The following DST variants were observed in gnomAD, a reference collection of about 807,000 sequenced individuals.
The protein encoded by DST is bullous pemphigoid antigen.
DST carries 253 observed loss-of-function variants against 875.2 expected under a neutral mutation model. The ratio of observed to expected loss-of-function variants is 0.29; its 90% CI spans 0.26 to 0.32. The LOEUF (loss-of-function observed/expected upper bound fraction) is 0.32, where lower values mean the gene tolerates loss of function less well. Among genes scored for constraint, DST ranks in the 10% least tolerant of loss-of-function variants. DST has a pLI of 1.00. For missense variants in DST, 8,287 were observed against 9,111.6 expected (o/e 0.91, Z 3.68); for synonymous variants, 3,124 against 3,197.1 (o/e 0.98, Z 0.77).
Position 56,532,525 on chromosome 6 carries a change from T to A in DST, c.16942-15A>T, listed in dbSNP as rs1359073459. On this transcript the variant is annotated splice_polypyrimidine_tract_variant and intron_variant, in intron 63 of 103. Transcript: ENST00000680361. ...CTCTGGAGAAGCTTGAGACAAAACA[T>A]TAAATATAAAAAAGCAAGGGAATAA... is the stretch of plus-strand genomic sequence containing the variant. The A allele has an allele frequency of 1.3e-6, 2 of 1,554,418 alleles. No homozygotes were observed. The highest frequency in any genetic ancestry group is 2.1e-5 in the Admixed American group (1 of 48,002).
chr6:56,577,378 C>T (rs1463912700), intron 50 of DST, among the ~76,000 whole-genome samples: 1 of 152,104 alleles, frequency 6.6e-6, no homozygotes, highest in African/African-American at 2.4e-5. Context: ...GACAGAGGAA[C>T]AAAATGTTAG....
chr6:56,562,358 A>G (rs1018060980), intron 55 of DST, among the ~76,000 whole-genome samples, 158 bp from the exon 56 acceptor site: 1 of 152,032 alleles, frequency 6.6e-6, no homozygotes, highest in Non-Finnish European at 1.5e-5. Flanking sequence ...ATATCAAACA[A>G]TATCCTCTCT....
chr6:56,516,245 T>C (rs1253141253), intron 71 of DST, among the ~76,000 whole-genome samples: 1 of 152,046 alleles, frequency 6.6e-6, no homozygotes, highest in Non-Finnish European at 1.5e-5. Flanking sequence ...CATTGTGCTA[T>C]ACACGGATTT....
Position 56,687,259 on chromosome 6 carries a change from C to T in DST, c.1047+12394G>A, listed in dbSNP as rs1424037976. 1.1e-4 allele frequency among the ~76,000 whole-genome samples: 17 copies of T among 152,112 alleles called. 1 individual carries two copies. The highest frequency in any genetic ancestry group is 9.8e-4 in the Admixed American group (15 of 15,262). On this transcript the variant is annotated intron_variant, in intron 9 of 103. Transcript: ENST00000680361. ...ATAAAAATAAGGATTATATTCTATT[C>T]GAGACAGTGTAGGTATTAGTAAGAA...
At chr6:56,839,364 A>G (rs2099797310) in intron 4 of DST, among the ~76,000 whole-genome samples, 1 of 152,250 alleles carries the variant, frequency 6.6e-6, no homozygotes, top group Non-Finnish European at 1.5e-5. Flanking sequence ...ACAGTCAAAC[A>G]TAATCTTAAC....
At chr6:56,569,525 AGAGGATG>A (rs2097747924) in intron 54 of DST, among the ~76,000 whole-genome samples, 1 of 152,164 alleles carries the variant, frequency 6.6e-6, no homozygotes, top group South Asian at 2.1e-4. Flanking sequence ...TGCTGAGTGA[AGAGGATG>A]TTTTGCTTAA....
chr6:56,766,248 A>C (rs2152970816), intron 4 of DST, among the ~76,000 whole-genome samples: 1 of 152,366 alleles, frequency 6.6e-6, no homozygotes, highest in African/African-American at 2.4e-5. Flanking sequence ...ACACATGAGA[A>C]CACATGAGTA....
chr6:56,618,305 G>T lies in DST; in HGVS notation c.4930-3821C>A, dbSNP rs761302610. The stretch of plus-strand genomic sequence containing the variant: ...TGGTTCTTGAGTCCATCTCAACAGA[G>T]GGGATCTGGGTGTTGGGTGAAGGTG... On this transcript the variant is annotated intron_variant, in intron 36 of 103. Transcript: ENST00000680361. The T allele has an allele frequency of 5.6e-6, 9 of 1,614,150 alleles. No individual in the cohort carries two copies. The East Asian group carries it at 1.1e-4, about 20-fold the overall frequency.
chr6:56,529,817 T>G (rs557092123), intron 65 of DST, 43 bp from the exon 66 acceptor site: 10 of 1,464,612 alleles, frequency 6.8e-6, no homozygotes, highest in Non-Finnish European at 9.0e-6. Context: ...ACAAAAAGAA[T>G]GGACAAATAA....
intron 4 of DST, among the ~76,000 whole-genome samples, chr6:56,798,556 T>C (rs557828293): frequency 2.6e-5 from 4 of 152,314 alleles, no homozygotes; most frequent in Middle Eastern, 6.8e-3. Flanking sequence ...AGAGCTCTGA[T>C]GGAGAGGTAC....
In DST at chr6:56,738,797, A is replaced by AT. The variant is rs200116799; in HGVS notation, c.626-3509dup. Among the ~76,000 whole-genome samples the AT allele has an allele frequency of 2.9e-3, 442 of 150,994 alleles. 3 individuals are homozygous for AT. The highest frequency in any genetic ancestry group is 0.021 in the East Asian group (109 of 5,070). On this transcript the variant is annotated intron_variant, in intron 4 of 103. Transcript: ENST00000680361. ...GTCACCACGCTTGGTGAATTTTTGC[A>AT]TTTTTTGCAGAGATGGGGTTTCGTC...
chr6:56,713,780 A>G (rs55934145), intron 5 of DST, among the ~76,000 whole-genome samples: 2,306 of 152,190 alleles, frequency 0.015, 54 homozygotes, highest in African/African-American at 0.052. Flanking sequence ...AGTCTCAAGG[A>G]CTGGAAAATC....
intron 81 of DST, 37 bp downstream of exon 81, chr6:56,497,819 T>A: frequency 1.3e-6 from 2 of 1,532,072 alleles, no homozygotes; most frequent in Non-Finnish European, 1.8e-6. Flanking sequence ...TGGTCTTGAA[T>A]GCTATAAAAA....
At position 56,464,751 on chromosome 6, in the gene DST, G is replaced by T; in HGVS notation, c.22693C>A (p.His7565Asn). ...GAACGTAACATTTTACTCCCATGATGATGAACTAGAAAAAATGACACAGGA... is the reference window on the plus strand; with the variant it reads ...GAACGTAACATTTTACTCCCATGATTATGAACTAGAAAAAATGACACAGGA... ...LVKNDPCRVHHHGSKMLRSES... is the reference protein window; with the variant it reads ...LVKNDPCRVHNHGSKMLRSES... Residue 7565 changes from histidine (H) to asparagine (N), a missense_variant, in exon 100 of 104, where the codon CAT becomes AAT. Transcript: ENST00000680361. 1 of 1,592,426 alleles carries T rather than the reference G, an allele frequency of 6.3e-7. No individual in the cohort carries two copies. Among genetic ancestry groups the T allele is most frequent in the Non-Finnish European group, 8.6e-7 (1 of 1,168,620 alleles).
At chr6:56,877,027 T>C (rs1779903972) in intron 3 of DST, among the ~76,000 whole-genome samples, 1 of 152,212 alleles carries the variant, frequency 6.6e-6, no homozygotes, top group Non-Finnish European at 1.5e-5. Flanking sequence ...CATTTTTAAA[T>C]TGACTTGTAT....
At chr6:56,893,358 A>G (rs914225564) in intron 3 of DST, among the ~76,000 whole-genome samples, 9 of 152,154 alleles carry the variant, frequency 5.9e-5, no homozygotes, top group Non-Finnish European at 1.2e-4. Context: ...GCTGAGTAGT[A>G]TTCCATCGTA....
chr6:56,598,812 G>C (rs2152698298), intron 45 of DST, 103 bp from the exon 46 acceptor site: 2 of 538,078 alleles, frequency 3.7e-6, no homozygotes, highest in East Asian at 3.1e-5. Context: ...AGAGAGTCTA[G>C]TATATGTAGC....
chr6:56,838,237 C>T (rs1325577525), intron 4 of DST, among the ~76,000 whole-genome samples: 1 of 152,208 alleles, frequency 6.6e-6, no homozygotes, highest in Non-Finnish European at 1.5e-5. Context: ...CACTTTTATA[C>T]TCAGTTGTGG....
intron 4 of DST, chr6:56,843,320 G>C: frequency 8.2e-7 from 1 of 1,221,372 alleles, no homozygotes; most frequent in Non-Finnish European, 1.0e-6. Context: ...GGCTGCCGGC[G>C]CCAGGGCCGG....
Sources: gnomAD v4.1 joint callset for allele counts (sites outside exome capture counted in the v4.1 genomes callset) on GRCh38, gnomAD v4.1.1 for gene constraint, MANE v1.5 for transcripts, NCBI Gene and HGNC (gene_info 2026-07-23, HGNC 2026-07-21) for gene names.